The following ROBO2 variants were observed in gnomAD, a reference collection of about 807,000 sequenced individuals.
ROBO2 encodes roundabout homolog 2.
In ROBO2, 53 loss-of-function variants were observed where a neutral mutation model predicts 160.8. The ratio of observed to expected loss-of-function variants is 0.33; its 90% confidence interval spans 0.26 to 0.41. The LOEUF is 0.41. ROBO2 is among the 10% of genes least tolerant of loss of function. The probability of loss-of-function intolerance (pLI) is 1.00; values close to 1 mark genes in which losing one functional copy is unlikely to be tolerated. For missense variants in ROBO2, 1,577 were observed against 1,722.4 expected, an observed-to-expected ratio of 0.92 and a Z score of 1.49; for synonymous variants, 664 against 611.7, an observed-to-expected ratio of 1.09 and a Z score of -1.26.
At chr3:76,009,909 CTTAA>C (rs1406057016) in intron 2 of ROBO2, among the ~76,000 whole-genome samples, 2 of 152,124 alleles carry the variant, frequency 1.3e-5, no homozygotes, top group African/African-American at 4.8e-5. Flanking sequence ...AATTGGTAAA[CTTAA>C]TTGATGAAAA....
chr3:76,710,116 T>G (rs2107588526), intron 2 of ROBO2, among the ~76,000 whole-genome samples: 1 of 141,654 alleles, frequency 7.1e-6, no homozygotes, highest in East Asian at 2.0e-4. Context: ...TGTCCTTTTC[T>G]TTTTCTTTTC....
chr3:76,419,680 T>G (rs2075908948), intron 2 of ROBO2, among the ~76,000 whole-genome samples: 1 of 152,114 alleles, frequency 6.6e-6, no homozygotes, highest in African/African-American at 2.4e-5. Flanking sequence ...GTTTTTTTCA[T>G]GAAGGTAGGA....
At chr3:76,912,083 G>C (rs2076026631) in intron 2 of ROBO2, among the ~76,000 whole-genome samples, 1 of 152,162 alleles carries the variant, frequency 6.6e-6, no homozygotes, top group Non-Finnish European at 1.5e-5. Flanking sequence ...TAATAAATAA[G>C]ATATTGAACA....
chr3:76,773,022 G>A (rs778105643), intron 2 of ROBO2, among the ~76,000 whole-genome samples: 1 of 150,990 alleles, frequency 6.6e-6, no homozygotes, highest in African/African-American at 2.4e-5. Context: ...CATAACCAAT[G>A]TAAAGTTAAA....
intron 2 of ROBO2, among the ~76,000 whole-genome samples, chr3:77,250,161 G>A (rs1029045652): frequency 2.6e-5 from 4 of 152,080 alleles, no homozygotes; most frequent in African/African-American, 4.8e-5. Flanking sequence ...ATCTAGAAAG[G>A]CCTAGAACTG....
At chr3:76,202,813 C>T (rs72630373) in intron 2 of ROBO2, among the ~76,000 whole-genome samples, 1 of 151,100 alleles carries the variant, frequency 6.6e-6, no homozygotes, top group South Asian at 2.1e-4. Context: ...TCTCTTTGTT[C>T]TGGAGATGGT....
intron 10 of ROBO2, 139 bp from the exon 12 acceptor site, chr3:77,563,028 T>C: frequency 1.3e-6 from 1 of 766,018 alleles, no homozygotes; most frequent in Admixed American, 2.3e-5. Context: ...AAGCAAACAT[T>C]CACTTACATA....
At chr3:77,070,355 G>C (rs1260515149) in intron 1 of ROBO2, among the ~76,000 whole-genome samples, 1 of 152,100 alleles carries the variant, frequency 6.6e-6, no homozygotes, top group African/African-American at 2.4e-5. Flanking sequence ...TCATTGGTTT[G>C]TGGCAGTATA....
intron 2 of ROBO2, among the ~76,000 whole-genome samples, chr3:76,598,885 A>G (rs534509076): frequency 7.9e-5 from 12 of 152,190 alleles, no homozygotes; most frequent in Non-Finnish European, 1.6e-4. Flanking sequence ...TAACGAAGCA[A>G]CAGCTACTAA....
At chr3:76,032,043 T>C (rs555532339) in intron 2 of ROBO2, among the ~76,000 whole-genome samples, 86 of 152,328 alleles carry the variant, frequency 5.6e-4, no homozygotes, top group African/African-American at 2.0e-3. Context: ...AGCCTGTTAT[T>C]GGTCTATTCA....
chr3:76,051,594 A>G (rs1303336029), intron 2 of ROBO2, among the ~76,000 whole-genome samples: 1 of 152,132 alleles, frequency 6.6e-6, no homozygotes, highest in Non-Finnish European at 1.5e-5. Context: ...TCATGCAACA[A>G]TTATTTTCAT....
At chr3:76,682,871 G>A (rs1219677036) in intron 2 of ROBO2, among the ~76,000 whole-genome samples, 1 of 152,048 alleles carries the variant, frequency 6.6e-6, no homozygotes, top group Non-Finnish European at 1.5e-5. Context: ...GACATTCAGG[G>A]GTACACGTCA....
chr3:76,256,030 G>T lies in ROBO2; in HGVS notation c.109+318428G>T, dbSNP rs532443181. Among the ~76,000 whole-genome samples, 4 of 152,202 alleles carry T rather than the reference G, an allele frequency of 2.6e-5. No individual in the cohort carries two copies. In the South Asian group the frequency reaches 8.3e-4, roughly 32 times the overall value. ...AGACTTACCCTGAGCCAGGTGCAGT[G>T]GTTCACGCCTGTAACCCCAGCACTT... On this transcript the variant is annotated intron_variant, in intron 2 of 26. Transcript: ENST00000487694.
intron 2 of ROBO2, among the ~76,000 whole-genome samples, chr3:76,488,818 T>C (rs1181880036): frequency 1.3e-5 from 2 of 152,072 alleles, no homozygotes; most frequent in Non-Finnish European, 2.9e-5. Context: ...ACTGATTTTA[T>C]TGAAATCACC....
chr3:76,487,488 A>G (rs1424664318), intron 2 of ROBO2, among the ~76,000 whole-genome samples: 2 of 152,234 alleles, frequency 1.3e-5, no homozygotes, highest in East Asian at 3.8e-4. Context: ...GAATCTTCTA[A>G]TACTTTAGTA....
chr3:75,920,181 C>G (rs1250914885), intron 1 of ROBO2, among the ~76,000 whole-genome samples: 2 of 152,084 alleles, frequency 1.3e-5, no homozygotes, highest in South Asian at 4.1e-4. Context: ...TATAAATTTC[C>G]CTCTAAACAC....
At chr3:77,416,242 G>C (rs1171432687) in intron 2 of ROBO2, among the ~76,000 whole-genome samples, 1 of 152,208 alleles carries the variant, frequency 6.6e-6, no homozygotes, top group East Asian at 1.9e-4. Flanking sequence ...GAATGAGAGA[G>C]TGCATGCTGA....
In ROBO2 at chr3:76,945,342, C is replaced by T. The variant is rs147461359; in HGVS notation, c.110-152672C>T. On this transcript the variant is annotated intron_variant, in intron 2 of 26. Coordinates refer to the ROBO2 transcript ENST00000487694. The stretch of plus-strand genomic sequence containing the variant: ...AAAAAAGAAACAAACATCCAACTTG[C>T]CAGCTCTTTAATTCTTCTTAGGAAA... Among the ~76,000 whole-genome samples the T allele has an allele frequency of 3.9e-3, 588 of 152,228 alleles. 3 individuals carry two copies. The highest frequency in any genetic ancestry group is 0.013 in the African/African-American group (556 of 41,528).
At chr3:76,825,672 G>C (rs1395808567) in intron 2 of ROBO2, among the ~76,000 whole-genome samples, 1 of 143,198 alleles carries the variant, frequency 7.0e-6, no homozygotes, top group Non-Finnish European at 1.5e-5. Flanking sequence ...AAAAGGCAGT[G>C]TCTGTTTCAT....
Sources: gnomAD v4.1 joint callset for allele counts (sites outside exome capture counted in the v4.1 genomes callset) on GRCh38, gnomAD v4.1.1 for gene constraint, MANE v1.5 for transcripts, NCBI Gene and HGNC (gene_info 2026-07-23, HGNC 2026-07-21) for gene names.